ARAP2: variants seen among roughly 807,000 people sequenced by gnomAD.
ARAP2 encodes ArfGAP with RhoGAP domain, ankyrin repeat and PH domain 2.
ARAP2 carries 148 observed loss-of-function variants against 194.5 expected under a neutral mutation model. The observed-to-expected ratio is 0.76, with a 90% CI of 0.67 to 0.87. The LOEUF (loss-of-function observed/expected upper bound fraction) is 0.87. ARAP2 is among the 40% of genes least tolerant of loss of function. ARAP2 has a pLI of 0.00. For missense variants in ARAP2, 2,128 were observed against 1,989.7 expected (o/e 1.07, Z -1.32); for synonymous variants, 695 against 683.5 (o/e 1.02, Z -0.26).
intron 6 of ARAP2, among the ~76,000 whole-genome samples, chr4:36,195,323 G>T (rs557249946): frequency 1.4e-4 from 21 of 152,282 alleles, no homozygotes; most frequent in Middle Eastern, 3.4e-3. Flanking sequence ...AGAGCCATCT[G>T]GTTTTTACTT....
intron 2 of ARAP2, among the ~76,000 whole-genome samples, chr4:36,221,937 C>T (rs959405985): frequency 2.6e-5 from 4 of 152,070 alleles, no homozygotes; most frequent in African/African-American, 4.8e-5. Context: ...CCAATAAAGG[C>T]GGGAAATTCT....
At chr4:36,229,959 A>C (rs1296196484) in intron 1 of ARAP2, among the ~76,000 whole-genome samples, 1 of 152,246 alleles carries the variant, frequency 6.6e-6, no homozygotes, top group Non-Finnish European at 1.5e-5. Flanking sequence ...CCAGTAAGTC[A>C]GTAAGATTGG....
chr4:36,109,184 A>G (rs910776524), intron 26 of ARAP2, among the ~76,000 whole-genome samples: 1 of 151,914 alleles, frequency 6.6e-6, no homozygotes, highest in Non-Finnish European at 1.5e-5. Flanking sequence ...GTCTGTTTCC[A>G]ATGTAAATTA....
intron 6 of ARAP2, among the ~76,000 whole-genome samples, chr4:36,198,666 A>G (rs1352070128): frequency 2.6e-5 from 4 of 152,198 alleles, no homozygotes; most frequent in African/African-American, 2.4e-5. Context: ...ACAGATCCAG[A>G]TGGGCTGTGA....
At chr4:36,077,326 C>T (rs1040297385) in intron 31 of ARAP2, among the ~76,000 whole-genome samples, 5 of 152,054 alleles carry the variant, frequency 3.3e-5, no homozygotes, top group East Asian at 1.9e-4. Context: ...ACACAACCTC[C>T]TCAAACTGGA....
In ARAP2 at chr4:36,206,274, C is replaced by T. The variant is rs1024429057; in HGVS notation, c.1487+4116G>A. On this transcript the variant is annotated intron_variant, in intron 6 of 32. Coordinates refer to ENST00000303965, the MANE Select transcript of ARAP2 (RefSeq NM_015230.4). Reference sequence around the variant, plus strand: ...GCTTCTGGGAGCTCTGACTGCCAGTCGTTGTCTGAGCTCTGACCTTTCCTT... The same window carrying T: ...GCTTCTGGGAGCTCTGACTGCCAGTTGTTGTCTGAGCTCTGACCTTTCCTT... Among the ~76,000 whole-genome samples, 3 of 152,220 alleles carry T rather than the reference C, an allele frequency of 2.0e-5. No homozygotes were observed. The South Asian group carries it at 6.2e-4, about 32-fold the overall frequency.
At chr4:36,048,889 A>G (rs1722230029) in intron 3 of ARAP2, among the ~76,000 whole-genome samples, 2 of 152,066 alleles carry the variant, frequency 1.3e-5, no homozygotes, top group Admixed American at 1.3e-4. Context: ...TCATTTTAAA[A>G]ATACTTTTTA....
intron 1 of ARAP2, among the ~76,000 whole-genome samples, chr4:36,060,593 C>T (rs1724266448): frequency 1.3e-5 from 2 of 152,138 alleles, no homozygotes; most frequent in South Asian, 2.1e-4. Flanking sequence ...AACACAAAAA[C>T]GTGATGTATT....
In ARAP2 at chr4:36,155,998, T is replaced by C. The variant is rs1217001083; in HGVS notation, c.2752+2732A>G. On this transcript the variant is annotated intron_variant, in intron 15 of 32. Transcript: ENST00000303965. ...GTGTGATTTCCATTTTTAAAGATAA[T>C]TGGCTGGGCACAATGGCTCATGCCT... Among the ~76,000 whole-genome samples, 11 of 152,118 alleles carry C rather than the reference T, an allele frequency of 7.2e-5. No individual in the cohort carries two copies. In the East Asian group the frequency reaches 1.2e-3, roughly 16 times the overall value.
chr4:36,221,187 A>G (rs999474245), intron 2 of ARAP2, among the ~76,000 whole-genome samples: 5 of 152,098 alleles, frequency 3.3e-5, no homozygotes, highest in African/African-American at 1.2e-4. Flanking sequence ...TCTACCATAT[A>G]GCCTCGGTGT....
intron 6 of ARAP2, among the ~76,000 whole-genome samples, chr4:36,202,501 A>T (rs1744583331): frequency 1.3e-5 from 2 of 152,142 alleles, no homozygotes; most frequent in Non-Finnish European, 2.9e-5. Flanking sequence ...AGAAGAAAAA[A>T]AAAAAGGTAC....
chr4:36,180,532 A>G (rs1738991817), intron 8 of ARAP2, among the ~76,000 whole-genome samples: 1 of 152,192 alleles, frequency 6.6e-6, no homozygotes, highest in African/African-American at 2.4e-5. Flanking sequence ...ATTACTTGTG[A>G]TCGTTAGTTT....
chr4:36,098,091 C>G (rs1177335163), intron 27 of ARAP2, among the ~76,000 whole-genome samples: 3 of 152,002 alleles, frequency 2.0e-5, no homozygotes, highest in Non-Finnish European at 4.4e-5. Context: ...ATTTGAAAAT[C>G]TCAGTTTTTT....
At chr4:36,020,792 G>A (rs1051871756) in intron 5 of ARAP2, among the ~76,000 whole-genome samples, 4 of 152,178 alleles carry the variant, frequency 2.6e-5, no homozygotes, top group Admixed American at 2.6e-4. Flanking sequence ...TGCCTGGATG[G>A]AGATGATATC....
At chr4:36,046,377 T>C (rs964608704) in intron 4 of ARAP2, among the ~76,000 whole-genome samples, 1 of 152,078 alleles carries the variant, frequency 6.6e-6, no homozygotes, top group African/African-American at 2.4e-5. Flanking sequence ...TTTGTACAGA[T>C]AAGGTCTCAC....
At chr4:36,148,214 T>C (rs1006748208) in intron 17 of ARAP2, among the ~76,000 whole-genome samples, 191 bp downstream of exon 17, 2 of 152,178 alleles carry the variant, frequency 1.3e-5, no homozygotes, top group Non-Finnish European at 2.9e-5. Context: ...AGTCTTACTT[T>C]AATTTCTTCC....
chr4:36,142,610 T>C (rs1317130966), intron 19 of ARAP2, among the ~76,000 whole-genome samples: 2 of 151,610 alleles, frequency 1.3e-5, no homozygotes, highest in Non-Finnish European at 3.0e-5. Flanking sequence ...CTGTCAGCAC[T>C]TGACATTTTT....
At chr4:36,136,957 C>T (rs201800307) in intron 19 of ARAP2, among the ~76,000 whole-genome samples, 3 of 138,940 alleles carry the variant, frequency 2.2e-5, no homozygotes, top group South Asian at 2.3e-4. Context: ...CACACACACA[C>T]ATATACACGT....
intron 6 of ARAP2, among the ~76,000 whole-genome samples, chr4:36,018,749 A>G (rs1016044944): frequency 6.6e-6 from 1 of 152,230 alleles, no homozygotes; most frequent in African/African-American, 2.4e-5. Flanking sequence ...GTGCAGCTAA[A>G]TGTGGCTAAG....
Sources: allele counts gnomAD v4.1 joint callset (sites outside exome capture counted in the v4.1 genomes callset), GRCh38; gene constraint gnomAD v4.1.1; transcripts MANE v1.5; gene names NCBI Gene and HGNC (gene_info 2026-07-23, HGNC 2026-07-21).